UBQLN1: variants seen among roughly 807,000 people sequenced by gnomAD.
UBQLN1 encodes ubiquilin 1.
Under a neutral mutation model 65.4 loss-of-function variants are expected in UBQLN1, and 13 were observed. The observed-to-expected ratio is 0.20, with a 90% confidence interval of 0.13 to 0.32. The LOEUF (loss-of-function observed/expected upper bound fraction) is 0.32. Ranked by LOEUF, UBQLN1 falls within the 10% of genes least tolerant of loss-of-function variation. The pLI is 1.00. For synonymous variants in UBQLN1, 267 were observed against 247.8 expected (o/e 1.08, Z -0.73); for missense variants, 561 against 724.0 (o/e 0.77, Z 2.58).
chr9:83,661,990 C>A (rs1282361298), intron 10 of UBQLN1, 51 bp from the exon 11 acceptor site: 4 of 1,540,508 alleles, frequency 2.6e-6, no homozygotes, highest in Non-Finnish European at 3.5e-6. Context: ...CCAGTCCCTG[C>A]CACACATGAC....
chr9:83,693,419 C>T (rs1465607617), intron 1 of UBQLN1, among the ~76,000 whole-genome samples: 2 of 152,130 alleles, frequency 1.3e-5, no homozygotes, highest in Non-Finnish European at 2.9e-5. Flanking sequence ...ATAGTGATAA[C>T]TGTCCAGACT....
chr9:83,669,288 T>C lies in UBQLN1; in HGVS notation c.1145A>G (p.Gln382Arg), dbSNP rs1469913521. ...FNTPGMQSLL[Q>R]QITENPQLMQ... ...CAGTTGTGGGTTTTCAGTTATTTGT[T>C]GCAACAAGCTCTGCATTCCTGGTGT... is the stretch of plus-strand genomic sequence containing the variant. The change falls in exon 7 of 11, where the codon CAA (glutamine) becomes CGA (arginine). Residue 382 changes from glutamine (Q) to arginine (R), a missense_variant. Around this residue, in one of 8 missense-constraint regions of UBQLN1, gnomAD observed 102 missense variants for 150.7 expected, o/e 0.68. Coordinates refer to ENST00000376395, the MANE Select transcript of UBQLN1 (RefSeq NM_013438.5). 6.2e-7 allele frequency: 1 copy of C among 1,612,042 alleles called. No homozygotes were observed. The highest frequency in any genetic ancestry group is 1.7e-5 in the Admixed American group (1 of 59,172).
Position 83,707,838 on chromosome 9 carries a change from G to A in UBQLN1, c.-159C>T. The A allele has an allele frequency of 8.8e-7, 1 of 1,133,114 alleles. No homozygotes were observed. The highest frequency in any genetic ancestry group is 1.2e-6 in the Non-Finnish European group (1 of 845,320). 70.2% of individuals were successfully genotyped at this position (1,133,114 alleles called of 1,614,324 possible). On this transcript the variant is annotated 5_prime_UTR_variant, in exon 1 of 11. Transcript: ENST00000376395. The stretch of plus-strand genomic sequence containing the variant: ...GCGCAGGGCCACCGTAGCGGGTGTG[G>A]GGCCCCGGAGCTCGGTGCAGGCTCT...
At chr9:83,699,910 C>G (rs1252380790) in intron 1 of UBQLN1, among the ~76,000 whole-genome samples, 2 of 152,156 alleles carry the variant, frequency 1.3e-5, no homozygotes, top group Non-Finnish European at 2.9e-5. Flanking sequence ...AGCAATGGCT[C>G]TTAAATTTTC....
At position 83,678,432 on chromosome 9, in the gene UBQLN1, G is replaced by C. The variant is rs745403173; in HGVS notation, c.870+9C>G. ...CTCCTTGGCCTGAACCTTGGAGCCA[G>C]TGGATCACCTGCTCTTGTGCAGCAC... On this transcript the variant is annotated intron_variant, in intron 5 of 10. Transcript: ENST00000376395. 5.6e-6 allele frequency: 9 copies of C among 1,606,840 alleles called. No individual in the cohort carries two copies. The highest frequency in any genetic ancestry group is 7.6e-6 in the Non-Finnish European group (9 of 1,177,378).
At chr9:83,668,625 G>T (rs1329776170) in intron 7 of UBQLN1, 4 of 985,406 alleles carry the variant, frequency 4.1e-6, no homozygotes, top group Non-Finnish European at 4.8e-6. Flanking sequence ...TTTCTTAGCT[G>T]TGGTCTCTTT....
intron 5 of UBQLN1, 141 bp downstream of exon 5, chr9:83,678,300 C>T (rs558433250): frequency 1.3e-5 from 13 of 1,036,298 alleles, no homozygotes; most frequent in South Asian, 3.7e-5. Context: ...GGATTACAGG[C>T]GTGAGCCACT....
At chr9:83,703,162 CA>C (rs11418417) in intron 1 of UBQLN1, among the ~76,000 whole-genome samples, 20 of 148,816 alleles carry the variant, frequency 1.3e-4, no homozygotes, top group Admixed American at 2.0e-4. Flanking sequence ...AACAATTAAC[CA>C]AAAAAAAAAA....
chr9:83,673,580 A>AAAAAAC (rs1554727531), intron 6 of UBQLN1, among the ~76,000 whole-genome samples: 5 of 109,562 alleles, frequency 4.6e-5, no homozygotes, highest in African/African-American at 2.0e-4. Context: ...AAAAAAAAAA[A>AAAAAAC]CTGCGCTTAC....
At chr9:83,674,695 T>C (rs1831800647) in intron 6 of UBQLN1, among the ~76,000 whole-genome samples, 1 of 152,172 alleles carries the variant, frequency 6.6e-6, no homozygotes, top group Admixed American at 6.5e-5. Flanking sequence ...ACAACGCAAA[T>C]GATTCTGAGT....
intron 1 of UBQLN1, among the ~76,000 whole-genome samples, chr9:83,698,684 G>A (rs560981203): frequency 3.9e-4 from 59 of 152,200 alleles, no homozygotes; most frequent in African/African-American, 1.3e-3. Context: ...GGAGACCAAG[G>A]GGGCAGATCG....
At chr9:83,678,347 A>G in intron 5 of UBQLN1, 94 bp downstream of exon 5, 1 of 1,446,544 alleles carries the variant, frequency 6.9e-7, no homozygotes, top group East Asian at 2.4e-5. Flanking sequence ...ATTGAAAACC[A>G]CATTCCTCAT....
intron 1 of UBQLN1, among the ~76,000 whole-genome samples, chr9:83,687,962 T>A (rs1344958854): frequency 6.6e-6 from 1 of 152,220 alleles, no homozygotes; most frequent in Non-Finnish European, 1.5e-5. Context: ...TTATCTAAGA[T>A]AAGCAATTTC....
rs568161404 is a variant in UBQLN1, at chr9:83,662,035, T to C, written c.1618-96A>G. On this transcript the variant is annotated intron_variant, in intron 10 of 10. Coordinates refer to ENST00000376395, the MANE Select transcript of UBQLN1 (RefSeq NM_013438.5). ...TTTTTAATTGCTTTTTTATAACATA[T>C]GCTGATCTACTGAGCTTTAAAAACA... 36 of 1,141,372 alleles carry C rather than the reference T, an allele frequency of 3.2e-5. No individual in the cohort carries two copies. In the South Asian group the frequency reaches 4.7e-4, roughly 15 times the overall value. The allele number at this position is 1,141,372 out of a possible 1,614,324, so 70.7% of individuals were successfully genotyped here. A position where few individuals can be genotyped will look rare whatever the true frequency, so the allele number is the denominator to read the frequency against.
At chr9:83,683,448 A>C (rs572809466) in intron 2 of UBQLN1, among the ~76,000 whole-genome samples, 1 of 151,502 alleles carries the variant, frequency 6.6e-6, no homozygotes, top group Non-Finnish European at 1.5e-5. Flanking sequence ...AACCACTGAA[A>C]TCCTGACATC....
chr9:83,707,194 G>A (rs1587669119), intron 1 of UBQLN1, among the ~76,000 whole-genome samples: 1 of 152,140 alleles, frequency 6.6e-6, no homozygotes, highest in African/African-American at 2.4e-5. Flanking sequence ...TGAGGAGTTG[G>A]AGGGGAGGCG....
intron 1 of UBQLN1, among the ~76,000 whole-genome samples, chr9:83,693,878 T>C (rs1394113016): frequency 6.6e-6 from 1 of 152,224 alleles, no homozygotes; most frequent in African/African-American, 2.4e-5. Context: ...TGAGCCTTGG[T>C]TTCTTCATCA....
At chr9:83,662,183 G>A (rs1050211626) in intron 10 of UBQLN1, among the ~76,000 whole-genome samples, 16 of 151,898 alleles carry the variant, frequency 1.1e-4, no homozygotes, top group Non-Finnish European at 2.2e-4. Flanking sequence ...AGGGGAGGGG[G>A]AGAAAAGCTT....
chr9:83,686,116 C>A lies in UBQLN1; in HGVS notation c.220G>T (p.Asp74Tyr). Reference sequence around the variant, plus strand: ...CCAGCAAATATCAACACAAGTTGGTCAGTATGTGATTTAAAACGTTTAGAG... The same window carrying A: ...CCAGCAAATATCAACACAAGTTGGTAAGTATGTGATTTAAAACGTTTAGAG... ...EISKRFKSHT[D>Y]QLVLIFAGKI... Residue 74 changes from aspartate (D) to tyrosine (Y), a missense_variant, in exon 2 of 11, where the codon GAC becomes TAC. This residue lies in a region of UBQLN1 where 101 missense variants were observed against 104.9 expected (regional missense o/e 0.96). Coordinates refer to ENST00000376395, the MANE Select transcript of UBQLN1 (RefSeq NM_013438.5). 1 of 1,591,954 alleles carries A rather than the reference C, an allele frequency of 6.3e-7. No homozygotes were observed. Among genetic ancestry groups the A allele is most frequent in the South Asian group, 1.2e-5 (1 of 86,748 alleles).
Sources: gnomAD v4.1 joint callset for allele counts (sites outside exome capture counted in the v4.1 genomes callset) on GRCh38, gnomAD v4.1.1 for gene constraint, gnomAD v4.1.1 regional missense constraint, MANE v1.5 for transcripts, NCBI Gene and HGNC (gene_info 2026-07-23, HGNC 2026-07-21) for gene names.